Variants in RBMS1 observed in about 807,000 individuals in gnomAD.
RBMS1 encodes RNA binding motif single stranded interacting protein 1.
RBMS1 carries 17 observed loss-of-function variants against 62.3 expected under a neutral mutation model. That is an observed-to-expected ratio of 0.27 (90% CI 0.19 to 0.41). The LOEUF is 0.41. RBMS1 is among the 10% of genes least tolerant of loss of function. The pLI, the probability that RBMS1 is intolerant of heterozygous loss-of-function variation, is 1.00. For synonymous variants in RBMS1, 172 were observed against 170.0 expected (o/e 1.01, Z -0.09); for missense variants, 334 against 504.5 (o/e 0.66, Z 3.24).
intron 1 of RBMS1, among the ~76,000 whole-genome samples, chr2:160,443,917 T>C (rs933205030): frequency 1.7e-4 from 26 of 152,238 alleles, no homozygotes; most frequent in Admixed American, 5.9e-4. Flanking sequence ...TCTGTACTTC[T>C]GTACTTGCAG....
Position 160,311,232 on chromosome 2 carries a change from C to CTATATATATCTATATATATA in RBMS1, c.402+1923_402+1924insTATATATATAGATATATATA, listed in dbSNP as rs1689868339. On this transcript the variant is annotated intron_variant, in intron 4 of 13. Coordinates refer to ENST00000348849, the MANE Select transcript of RBMS1 (RefSeq NM_016836.4). ...AAAATCTATCTATCTATCTATCTAT[C>CTATATATATCTATATATATA]TATATATATATATATATATATATAT... Among the ~76,000 whole-genome samples, 5 of 79,256 alleles carry CTATATATATCTATATATATA rather than the reference C, an allele frequency of 6.3e-5. 1 individual carries two copies. The highest frequency in any genetic ancestry group is 2.2e-4 in the African/African-American group (5 of 22,738). The allele number at this position is 79,256 out of a possible 152,430, so 52.0% of individuals were successfully genotyped here.
At chr2:160,411,229 T>C (rs1011257871) in intron 1 of RBMS1, among the ~76,000 whole-genome samples, 1 of 152,136 alleles carries the variant, frequency 6.6e-6, no homozygotes, top group African/African-American at 2.4e-5. Flanking sequence ...TTCTCACCCT[T>C]GGGGATTTGA....
chr2:160,455,683 CTT>C (rs67701380), intron 1 of RBMS1, among the ~76,000 whole-genome samples: 43 of 127,142 alleles, frequency 3.4e-4, no homozygotes, highest in Admixed American at 5.0e-4. Context: ...CATTCCCAAG[CTT>C]TTTTTTTTTT....
At chr2:160,465,958 C>T (rs1449919921) in intron 1 of RBMS1, among the ~76,000 whole-genome samples, 1 of 151,874 alleles carries the variant, frequency 6.6e-6, no homozygotes, top group Non-Finnish European at 1.5e-5. Context: ...ACACAGCCTC[C>T]CTGTCATGAT....
intron 1 of RBMS1, among the ~76,000 whole-genome samples, chr2:160,424,943 G>T (rs1356138273): frequency 6.6e-6 from 1 of 151,756 alleles, no homozygotes; most frequent in Non-Finnish European, 1.5e-5. Context: ...ATCAGGAATT[G>T]ATCATCTATT....
At chr2:160,424,954 C>G (rs1175649795) in intron 1 of RBMS1, among the ~76,000 whole-genome samples, 1 of 151,416 alleles carries the variant, frequency 6.6e-6, no homozygotes, top group Non-Finnish European at 1.5e-5. Flanking sequence ...ATCATCTATT[C>G]ACAGATAAAT....
At chr2:160,372,361 C>T (rs1573951444) in intron 1 of RBMS1, among the ~76,000 whole-genome samples, 1 of 152,126 alleles carries the variant, frequency 6.6e-6, no homozygotes, top group African/African-American at 2.4e-5. Context: ...ACCACCACGA[C>T]CACCACCACC....
chr2:160,406,971 C>T (rs1052897010), intron 1 of RBMS1, among the ~76,000 whole-genome samples: 2 of 151,384 alleles, frequency 1.3e-5, no homozygotes, highest in African/African-American at 2.4e-5. Flanking sequence ...GTTTCTTTCT[C>T]TTTTTTTTTC....
intron 1 of RBMS1, among the ~76,000 whole-genome samples, chr2:160,396,454 A>T (rs1290668955): frequency 6.6e-6 from 1 of 151,286 alleles, no homozygotes; most frequent in Non-Finnish European, 1.5e-5. Context: ...ACAAGGAAGG[A>T]TCCCAGGACT....
At chr2:160,281,067 A>C (rs1274865528) in intron 10 of RBMS1, among the ~76,000 whole-genome samples, 4 of 152,194 alleles carry the variant, frequency 2.6e-5, no homozygotes, top group Non-Finnish European at 5.9e-5. Context: ...GCTGGTATGA[A>C]TAAGAAAATG....
At chr2:160,415,839 T>G (rs773414623) in intron 1 of RBMS1, among the ~76,000 whole-genome samples, 1 of 152,074 alleles carries the variant, frequency 6.6e-6, no homozygotes, top group East Asian at 1.9e-4. Context: ...CTATTTCATT[T>G]AAAGAGGAGG....
intron 4 of RBMS1, among the ~76,000 whole-genome samples, chr2:160,308,185 C>T (rs1179221974): frequency 2.0e-5 from 3 of 152,074 alleles, no homozygotes; most frequent in Admixed American, 1.3e-4. Context: ...CTTGAGCTCA[C>T]GAGTGCGAGA....
At chr2:160,417,934 C>T (rs557671027) in intron 1 of RBMS1, among the ~76,000 whole-genome samples, 3 of 152,256 alleles carry the variant, frequency 2.0e-5, no homozygotes, top group East Asian at 1.9e-4. Context: ...ACAGTCTGCA[C>T]GCATCAGAAT....
intron 1 of RBMS1, among the ~76,000 whole-genome samples, chr2:160,468,995 T>C (rs1016707004): frequency 6.6e-6 from 1 of 152,168 alleles, no homozygotes; most frequent in African/African-American, 2.4e-5. Context: ...TGCCATTTCT[T>C]GGGAAATGTT....
chr2:160,351,184 G>C (rs1259933379), intron 2 of RBMS1, among the ~76,000 whole-genome samples: 1 of 151,342 alleles, frequency 6.6e-6, no homozygotes, highest in Non-Finnish European at 1.5e-5. Flanking sequence ...CGTGGGGTAG[G>C]GGGAGGGGGG....
intron 1 of RBMS1, among the ~76,000 whole-genome samples, chr2:160,435,324 C>A (rs1190662288): frequency 6.6e-6 from 1 of 152,084 alleles, no homozygotes; most frequent in Non-Finnish European, 1.5e-5. Context: ...GTCCCGAATA[C>A]TTTTATTCAT....
chr2:160,386,818 G>A (rs186304951), intron 1 of RBMS1, among the ~76,000 whole-genome samples: 254 of 152,232 alleles, frequency 1.7e-3, no homozygotes, highest in African/African-American at 5.8e-3. Flanking sequence ...TTGTTAGAGC[G>A]GCCTGAACTA....
chr2:160,448,132 T>C (rs1156575377), intron 1 of RBMS1, among the ~76,000 whole-genome samples: 1 of 152,236 alleles, frequency 6.6e-6, no homozygotes, highest in Non-Finnish European at 1.5e-5. Context: ...TATATCCTTT[T>C]ATAATATTGT....
chr2:160,446,099 A>G (rs1452610153), intron 1 of RBMS1, among the ~76,000 whole-genome samples: 4 of 152,216 alleles, frequency 2.6e-5, no homozygotes, highest in African/African-American at 9.6e-5. Flanking sequence ...TTATATCATT[A>G]TCATAACGTT....
Sources: gnomAD v4.1 joint callset for allele counts (sites outside exome capture counted in the v4.1 genomes callset) on GRCh38, gnomAD v4.1.1 for gene constraint, MANE v1.5 for transcripts, NCBI Gene and HGNC (gene_info 2026-07-23, HGNC 2026-07-21) for gene names.